DUS2: variants seen among roughly 807,000 people sequenced by gnomAD.
The protein encoded by DUS2 is tRNA-dihydrouridine(20) synthase [NAD(P)+]-like.
DUS2 carries 52 observed loss-of-function variants against 71.3 expected under a neutral mutation model. That is an observed-to-expected ratio of 0.73 (90% CI 0.58 to 0.92). The LOEUF is 0.92. DUS2 is among the 40% of genes least tolerant of loss of function. The probability of loss-of-function intolerance (pLI) is 0.00; values close to 1 mark genes in which losing one functional copy is unlikely to be tolerated. For missense variants in DUS2, 558 were observed against 622.6 expected, an observed-to-expected ratio of 0.90 and a Z score of 1.10; for synonymous variants, 204 against 227.8, an observed-to-expected ratio of 0.90 and a Z score of 0.94.
At chr16:68,028,656 A>G (rs536074540) in intron 2 of DUS2, among the ~76,000 whole-genome samples, 1 of 152,240 alleles carries the variant, frequency 6.6e-6, no homozygotes, top group East Asian at 1.9e-4. Flanking sequence ...ACAAACAAAC[A>G]AAAAATAGAG....
intron 2 of DUS2, among the ~76,000 whole-genome samples, chr16:68,035,709 G>GT (rs1265416266): frequency 5.2e-4 from 72 of 138,286 alleles, no homozygotes; most frequent in East Asian, 1.2e-3. Flanking sequence ...ATTCTATGTG[G>GT]TTTTTTTTTT....
At chr16:68,053,996 A>G in intron 5 of DUS2, 1 of 235,636 alleles carries the variant, frequency 4.2e-6, no homozygotes, top group Non-Finnish European at 8.3e-6. Context: ...GTGTGTATAT[A>G]TTTCTCATAG....
intron 3 of DUS2, among the ~76,000 whole-genome samples, chr16:68,041,880 A>T (rs542350673): frequency 2.6e-5 from 4 of 151,960 alleles, no homozygotes; most frequent in African/African-American, 9.6e-5. Flanking sequence ...GACAAAAAAC[A>T]TACAAGATTT....
intron 3 of DUS2, among the ~76,000 whole-genome samples, chr16:68,044,685 A>G (rs976494177): frequency 6.6e-6 from 1 of 152,032 alleles, no homozygotes; most frequent in African/African-American, 2.4e-5. Flanking sequence ...AGCATGAGCC[A>G]TTGGGCCGGG....
intron 7 of DUS2, among the ~76,000 whole-genome samples, chr16:68,060,522 C>G (rs531390766): frequency 6.6e-6 from 1 of 152,272 alleles, no homozygotes; most frequent in East Asian, 1.9e-4. Context: ...CCATGTTAGC[C>G]AGGCTGGTCT....
intron 8 of DUS2, among the ~76,000 whole-genome samples, chr16:68,062,166 A>G (rs1029426308): frequency 2.6e-5 from 4 of 151,868 alleles, no homozygotes; most frequent in African/African-American, 4.8e-5. Context: ...GCCCACGACG[A>G]CGCCTGGCTA....
chr16:68,078,711 C>T (rs1203524326), intron 16 of DUS2, 38 bp from the exon 17 acceptor site: 1 of 1,576,100 alleles, frequency 6.3e-7, no homozygotes, highest in Admixed American at 1.7e-5. Context: ...CATAGCCCTG[C>T]ACCCTGCCCC....
intron 2 of DUS2, among the ~76,000 whole-genome samples, chr16:68,035,804 T>C (rs9888987): frequency 0.032 from 4,553 of 141,784 alleles, 227 homozygotes; most frequent in African/African-American, 0.11. Flanking sequence ...AACCTGTGCC[T>C]TGCAGGTTCA....
rs779956332 is a variant in DUS2 at position 68,061,083 on chromosome 16, C to T, written c.387C>T (p.Ala129=). 18 of 1,613,832 alleles carry T rather than the reference C, an allele frequency of 1.1e-5. 1 individual carries two copies. The Middle Eastern group carries it at 4.9e-4, about 44-fold the overall frequency. The change falls in exon 8 of 17, where the codon GCC becomes GCT. Residue 129 remains alanine, a synonymous_variant. Coordinates refer to ENST00000565263, the MANE Select transcript of DUS2 (RefSeq NM_017803.5). Reference sequence around the variant, plus strand: ...CTCCTTAGGGAGGAATGGGAGCTGCCCTGCTGTCAGACCCTGACAAGATTG... The same window carrying T: ...CTCCTTAGGGAGGAATGGGAGCTGCTCTGCTGTCAGACCCTGACAAGATTG... ...QYSTKGGMGA[A]LLSDPDKIEK...
At chr16:68,037,974 T>C (rs1009554907) in intron 2 of DUS2, 32 bp from the exon 3 acceptor site, 6 of 1,598,880 alleles carry the variant, frequency 3.8e-6, no homozygotes, top group Non-Finnish European at 5.1e-6. Context: ...TTCATTTGAA[T>C]TTCTGACTCT....
At chr16:68,035,978 T>C (rs907985190) in intron 2 of DUS2, among the ~76,000 whole-genome samples, 34 of 143,856 alleles carry the variant, frequency 2.4e-4, no homozygotes, top group Non-Finnish European at 4.6e-4. Flanking sequence ...TATATATATA[T>C]ACATATATAT....
chr16:68,036,963 A>C (rs1247519819), intron 2 of DUS2, among the ~76,000 whole-genome samples: 1 of 151,812 alleles, frequency 6.6e-6, no homozygotes, highest in African/African-American at 2.4e-5. Context: ...ATTGCAACCC[A>C]TCCCCAGCAC....
chr16:68,075,560 C>T, intron 14 of DUS2, 56 bp downstream of exon 14: 1 of 1,539,852 alleles, frequency 6.5e-7, no homozygotes, highest in Non-Finnish European at 8.8e-7. Context: ...TGGGGTCCCA[C>T]TGGGCCAGCA....
intron 3 of DUS2, among the ~76,000 whole-genome samples, chr16:68,046,065 G>A (rs763285216): frequency 1.7e-4 from 26 of 152,258 alleles, no homozygotes; most frequent in Non-Finnish European, 3.1e-4. Flanking sequence ...CAAAATTTTA[G>A]ATTCAGGGGT....
At chr16:68,066,703 T>G in intron 10 of DUS2, 67 bp downstream of exon 10, 1 of 1,512,480 alleles carries the variant, frequency 6.6e-7, no homozygotes, top group Non-Finnish European at 9.2e-7. Context: ...CTTCCTTAAT[T>G]GATCTGTCAC....
In DUS2 at chr16:68,060,766, T is replaced by C. The variant is rs73604366; in HGVS notation, c.370-300T>C. On this transcript the variant is annotated intron_variant, in intron 7 of 16. Transcript: ENST00000565263. ...AGGATGCAGAGGAAGGAGAATCACT[T>C]GAACTGGGGAGGTGGAGGTTGCAGT... Among the ~76,000 whole-genome samples the C allele has an allele frequency of 4.9e-3, 742 of 152,004 alleles. 8 individuals are homozygous for C. Among genetic ancestry groups the C allele is most frequent in the African/African-American group, 0.017 (702 of 41,440 alleles).
intron 5 of DUS2, chr16:68,054,071 C>T: frequency 5.0e-6 from 1 of 198,026 alleles, no homozygotes; most frequent in Non-Finnish European, 1.0e-5. Context: ...CTCTATAGTG[C>T]CCTTCTCTCG....
In DUS2 at chr16:68,066,557, C is replaced by T; in HGVS notation, c.484-9C>T. ...TTCAGTAACCATCCTGTGTGGTCCT[C>T]CTCCTCAGCTAGAAGATACCCTGAG... On this transcript the variant is annotated splice_polypyrimidine_tract_variant and intron_variant, in intron 9 of 16. Transcript: ENST00000565263. 6.2e-7 allele frequency: 1 copy of T among 1,614,134 alleles called. No homozygotes were observed. The highest frequency in any genetic ancestry group is 8.5e-7 in the Non-Finnish European group (1 of 1,179,964).
rs753184656 is a variant in DUS2, at chr16:68,049,531, G to A, written c.153G>A (p.Gln51=). 6.2e-7 allele frequency: 1 copy of A among 1,614,220 alleles called. No homozygotes were observed. The highest frequency in any genetic ancestry group is 8.5e-7 in the Non-Finnish European group (1 of 1,180,040). Residue 51 remains glutamine, a synonymous_variant, in exon 4 of 17, where the codon CAG becomes CAA. Coordinates refer to ENST00000565263, the MANE Select transcript of DUS2 (RefSeq NM_017803.5). The stretch of plus-strand genomic sequence containing the variant: ...AGCTGATCGACCTCAAGATGATTCA[G>A]TGCAAGAGAGTTGTTAATGGTGAGT... ...CEELIDLKMI[Q]CKRVVNEVLS... is the part of the protein sequence containing the mutation.
Sources: allele counts gnomAD v4.1 joint callset (sites outside exome capture counted in the v4.1 genomes callset), GRCh38; gene constraint gnomAD v4.1.1; transcripts MANE v1.5; gene names NCBI Gene and HGNC (gene_info 2026-07-23, HGNC 2026-07-21).